IPO11: variants seen among roughly 807,000 people sequenced by gnomAD.
IPO11 encodes the protein importin-11.
IPO11 carries 66 observed loss-of-function variants against 143.2 expected under a neutral mutation model. That is an observed-to-expected ratio of 0.46 (90% confidence interval 0.38 to 0.57). The LOEUF (loss-of-function observed/expected upper bound fraction) is 0.57. Among genes scored for constraint, IPO11 ranks in the 20% least tolerant of loss-of-function variants. The probability of loss-of-function intolerance (pLI) is 0.00; values close to 1 mark genes in which losing one functional copy is unlikely to be tolerated. For missense variants in IPO11, 1,026 were observed against 1,141.0 expected (o/e 0.90, Z 1.45); for synonymous variants, 385 against 377.8 (o/e 1.02, Z -0.22).
chr5:62,603,782 ACAATGAAATGATGATAG>A (rs1453794298), intron 29 of IPO11, among the ~76,000 whole-genome samples: 6 of 152,246 alleles, frequency 3.9e-5, no homozygotes, highest in African/African-American at 1.4e-4. Context: ...TTTCAAAGTT[ACAATGAAATGATGATAG>A]CAAGGACCTG....
At chr5:62,506,619 C>A (rs1416496359) in intron 19 of IPO11, among the ~76,000 whole-genome samples, 1 of 152,080 alleles carries the variant, frequency 6.6e-6, no homozygotes, top group African/African-American at 2.4e-5. Flanking sequence ...TTTAGAAGAT[C>A]CAGCCGATGT....
chr5:62,496,328 A>T (rs568099092), intron 16 of IPO11, among the ~76,000 whole-genome samples: 1 of 151,980 alleles, frequency 6.6e-6, no homozygotes, highest in East Asian at 1.9e-4. Context: ...TTGCATTATG[A>T]CTAGCCCACA....
intron 7 of IPO11, among the ~76,000 whole-genome samples, chr5:62,473,497 C>T (rs1339260460): frequency 4.6e-5 from 7 of 152,060 alleles, no homozygotes; most frequent in African/African-American, 1.7e-4. Flanking sequence ...GACACTAAGT[C>T]TTCAGATAAT....
At chr5:62,623,894 A>G (rs1449652281) in intron 29 of IPO11, among the ~76,000 whole-genome samples, 1 of 151,980 alleles carries the variant, frequency 6.6e-6, no homozygotes, top group Non-Finnish European at 1.5e-5. Flanking sequence ...AAGTGCAGGG[A>G]TTACAGGCGT....
chr5:62,550,321 G>T, intron 24 of IPO11, 46 bp from the exon 25 acceptor site: 1 of 1,380,410 alleles, frequency 7.2e-7, no homozygotes, highest in Non-Finnish European at 1.0e-6. Flanking sequence ...TTTTCATAAA[G>T]CAATGACTTG....
rs900841284 is a variant in IPO11, at chr5:62,438,764, G to T, written c.138+1347G>T. Among the ~76,000 whole-genome samples the T allele has an allele frequency of 3.4e-4, 50 of 147,372 alleles. No homozygotes were observed. In the East Asian group the frequency reaches 6.3e-3, roughly 19 times the overall value. ...CGAAACTCCATCTCAAAAAAAAAAG[G>T]GGGGGAGCAGCGGGGCCAGGTGTGG... On this transcript the variant is annotated intron_variant, in intron 2 of 29. Coordinates refer to ENST00000325324, the MANE Select transcript of IPO11 (RefSeq NM_016338.5).
chr5:62,416,914 G>T (rs1036903707), intron 1 of IPO11, among the ~76,000 whole-genome samples: 4 of 151,330 alleles, frequency 2.6e-5, no homozygotes, highest in Non-Finnish European at 4.4e-5. Context: ...ATTTTTTTTT[G>T]TAGAGATGGG....
Position 62,466,239 on chromosome 5 carries a change from C to T in IPO11, c.517-892C>T, listed in dbSNP as rs1169241036. ...CTGTGTGGATACATGCAAAGTTGCC[C>T]TGGGGGATATGGTGAAGCCGTTTTA... On this transcript the variant is annotated intron_variant, in intron 5 of 29. Transcript: ENST00000325324. 2.0e-5 allele frequency among the ~76,000 whole-genome samples: 3 copies of T among 152,036 alleles called. No individual in the cohort carries two copies. In the East Asian group the frequency reaches 5.8e-4, roughly 29 times the overall value.
At chr5:62,554,014 A>AGT (rs1743483838) in intron 26 of IPO11, among the ~76,000 whole-genome samples, 1 of 152,146 alleles carries the variant, frequency 6.6e-6, no homozygotes, top group Non-Finnish European at 1.5e-5. Context: ...TACAAGTGTG[A>AGT]GTCACTGCGC....
At chr5:62,449,139 T>A (rs1057478081) in intron 3 of IPO11, among the ~76,000 whole-genome samples, 1 of 152,222 alleles carries the variant, frequency 6.6e-6, no homozygotes, top group African/African-American at 2.4e-5. Flanking sequence ...GCTCATAGGA[T>A]CCTTCTGCAT....
intron 29 of IPO11, among the ~76,000 whole-genome samples, chr5:62,614,479 C>A (rs1044903639): frequency 2.0e-5 from 3 of 152,224 alleles, no homozygotes; most frequent in African/African-American, 7.2e-5. Flanking sequence ...AAGGCTGTTG[C>A]TAAGTTCTGC....
At chr5:62,419,305 A>G (rs1743415808) in intron 1 of IPO11, among the ~76,000 whole-genome samples, 2 of 152,238 alleles carry the variant, frequency 1.3e-5, no homozygotes, top group South Asian at 4.1e-4. Context: ...GGCCTAGGGC[A>G]TTATTGTACA....
At chr5:62,491,130 A>G (rs1236727381) in intron 15 of IPO11, among the ~76,000 whole-genome samples, 1 of 152,238 alleles carries the variant, frequency 6.6e-6, no homozygotes, top group Non-Finnish European at 1.5e-5. Flanking sequence ...CCTGGGGCCT[A>G]TCAGAATACT....
intron 1 of IPO11, among the ~76,000 whole-genome samples, chr5:62,416,904 A>AT (rs913209758): frequency 4.0e-5 from 6 of 149,240 alleles, no homozygotes; most frequent in South Asian, 2.1e-4. Flanking sequence ...TAATTTTTGA[A>AT]TTTTTTTTTG....
chr5:62,595,231 G>A (rs1049206882), intron 28 of IPO11, among the ~76,000 whole-genome samples: 1 of 152,130 alleles, frequency 6.6e-6, no homozygotes, highest in Non-Finnish European at 1.5e-5. Flanking sequence ...CTGTGGAAGT[G>A]GGAAAACCAT....
intron 2 of IPO11, among the ~76,000 whole-genome samples, chr5:62,442,274 AC>A (rs1475935993): frequency 6.6e-6 from 1 of 152,166 alleles, no homozygotes; most frequent in Admixed American, 6.6e-5. Context: ...TAGTGGGCCT[AC>A]TTTTTCTAAT....
intron 19 of IPO11, among the ~76,000 whole-genome samples, chr5:62,511,430 A>T (rs1484601717): frequency 6.6e-6 from 1 of 152,200 alleles, no homozygotes; most frequent in Non-Finnish European, 1.5e-5. Context: ...ATAATATTAT[A>T]ATCAAATTTT....
At chr5:62,423,128 C>G (rs1051388024) in intron 1 of IPO11, among the ~76,000 whole-genome samples, 3 of 152,148 alleles carry the variant, frequency 2.0e-5, no homozygotes, top group Non-Finnish European at 4.4e-5. Flanking sequence ...ACTGTTCATA[C>G]ATTCATTCAT....
intron 1 of IPO11, among the ~76,000 whole-genome samples, chr5:62,413,851 C>T (rs1169602324): frequency 6.6e-6 from 1 of 152,222 alleles, no homozygotes; most frequent in Non-Finnish European, 1.5e-5. Context: ...AGATTAAGGG[C>T]AGGGTGACTC....
Sources: allele counts gnomAD v4.1 joint callset (sites outside exome capture counted in the v4.1 genomes callset), GRCh38; gene constraint gnomAD v4.1.1; transcripts MANE v1.5; gene names NCBI Gene and HGNC (gene_info 2026-07-23, HGNC 2026-07-21).